The following SH3PXD2B variants were observed in gnomAD, a reference collection of about 807,000 sequenced individuals.
The protein encoded by SH3PXD2B is SH3 and PX domain-containing protein 2B.
SH3PXD2B carries 37 observed loss-of-function variants against 73.1 expected under a neutral mutation model. The ratio of observed to expected loss-of-function variants is 0.51; its 90% CI spans 0.39 to 0.67. The LOEUF (loss-of-function observed/expected upper bound fraction) is 0.67. Ranked by LOEUF, SH3PXD2B falls within the 30% of genes least tolerant of loss-of-function variation. The pLI is 0.00. For synonymous variants in SH3PXD2B, 457 were observed against 480.5 expected (o/e 0.95, Z 0.64); for missense variants, 1,053 against 1,197.8 (o/e 0.88, Z 1.78).
At position 172,336,104 on chromosome 5, in the gene SH3PXD2B, A is replaced by G; in HGVS notation, c.*2265T>C. 2.0e-6 allele frequency: 2 copies of G among 988,234 alleles called. No individual in the cohort carries two copies. The highest frequency in any genetic ancestry group is 1.1e-4 in the East Asian group (1 of 8,910). 61.2% of individuals were successfully genotyped at this position (988,234 alleles called of 1,614,324 possible). Reference sequence around the variant, plus strand: ...TCAAAGCTCTTCCAGCCAGGGATGGAGCCACACACATCCCAGTCTACTCAG... The same window carrying G: ...TCAAAGCTCTTCCAGCCAGGGATGGGGCCACACACATCCCAGTCTACTCAG... On this transcript the variant is annotated 3_prime_UTR_variant, in exon 13 of 13. Coordinates refer to ENST00000311601, the MANE Select transcript of SH3PXD2B (RefSeq NM_001017995.3).
At chr5:172,418,882 C>T (rs145169857) in intron 2 of SH3PXD2B, among the ~76,000 whole-genome samples, 179 of 152,220 alleles carry the variant, frequency 1.2e-3, no homozygotes, top group African/African-American at 4.0e-3. Flanking sequence ...AAAGTTGAGT[C>T]GGAACAGGAG....
intron 3 of SH3PXD2B, among the ~76,000 whole-genome samples, chr5:172,402,327 G>A (rs955316831): frequency 6.6e-6 from 1 of 152,126 alleles, no homozygotes; most frequent in African/African-American, 2.4e-5. Flanking sequence ...TGTTATCAAT[G>A]ACAATGCATG....
chr5:172,378,723 G>C (rs1447267601), intron 5 of SH3PXD2B, among the ~76,000 whole-genome samples: 2 of 152,168 alleles, frequency 1.3e-5, no homozygotes, highest in Non-Finnish European at 2.9e-5. Context: ...TCTTACATAA[G>C]AGGAGACTGA....
chr5:172,326,583 A>G lies in SH3PXD2B; in HGVS notation c.1189-1203T>C, dbSNP rs78492128. Among the ~76,000 whole-genome samples the G allele has an allele frequency of 4.4e-3, 663 of 152,324 alleles. 9 individuals are homozygous for G. Among genetic ancestry groups the G allele is most frequent in the African/African-American group, 0.015 (636 of 41,574 alleles). On this transcript the variant is annotated intron_variant, in intron 12 of 12. Transcript: ENST00000519643. ...TGTTCCATAAACATACTTTGGAAAG[A>G]TGTCCATTTTGAGAAAAATAATAAA... is the stretch of plus-strand genomic sequence containing the variant.
intron 1 of SH3PXD2B, among the ~76,000 whole-genome samples, chr5:172,431,690 G>GCACA (rs60568854): frequency 9.3e-4 from 141 of 151,770 alleles, no homozygotes; most frequent in African/African-American, 3.1e-3. Context: ...GACACCCATT[G>GCACA]CACACACACA....
intron 1 of SH3PXD2B, among the ~76,000 whole-genome samples, chr5:172,440,479 C>T (rs1759531518): frequency 1.3e-5 from 2 of 151,950 alleles, no homozygotes; most frequent in Non-Finnish European, 2.9e-5. Context: ...CAGGAGAGCT[C>T]AGGAAGAACA....
At chr5:172,358,300 C>T (rs893322491) in intron 8 of SH3PXD2B, among the ~76,000 whole-genome samples, 2 of 152,206 alleles carry the variant, frequency 1.3e-5, no homozygotes, top group Non-Finnish European at 2.9e-5. Flanking sequence ...AGGGAAGGTT[C>T]TCTGGGAAAC....
intron 1 of SH3PXD2B, among the ~76,000 whole-genome samples, chr5:172,444,481 T>C (rs921809304): frequency 6.6e-5 from 10 of 152,330 alleles, no homozygotes; most frequent in African/African-American, 1.2e-4. Flanking sequence ...TTCAAAGACA[T>C]AAAGCATGAA....
At chr5:172,384,483 A>G (rs770288989) in intron 4 of SH3PXD2B, among the ~76,000 whole-genome samples, 32 of 152,116 alleles carry the variant, frequency 2.1e-4, no homozygotes, top group Non-Finnish European at 7.3e-5. Context: ...TCATCTTGCA[A>G]AACTGAAACT....
intron 5 of SH3PXD2B, 96 bp downstream of exon 5, chr5:172,381,940 C>T (rs1757956177): frequency 1.0e-6 from 1 of 957,562 alleles, no homozygotes; most frequent in Admixed American, 2.1e-5. Flanking sequence ...CGACGAAACC[C>T]ACTTTTGGCT....
chr5:172,332,309 A>C (rs1319364829), downstream of SH3PXD2B, among the ~76,000 whole-genome samples: 1 of 147,610 alleles, frequency 6.8e-6, no homozygotes, highest in Non-Finnish European at 1.5e-5. Flanking sequence ...GCTGGAGCAT[A>C]GTGGTGCGAT....
exon 13 of SH3PXD2B, chr5:172,325,299 C>A (rs770108337): frequency 6.5e-7 from 1 of 1,535,138 alleles, no homozygotes; most frequent in African/African-American, 1.4e-5. Context: ...GAAGCTGCCA[C>A]GTGCTTCCCA....
chr5:172,370,819 G>C (rs753664885), intron 6 of SH3PXD2B, among the ~76,000 whole-genome samples: 2 of 152,218 alleles, frequency 1.3e-5, no homozygotes, highest in African/African-American at 4.8e-5. Context: ...GCTTCAGGAC[G>C]TTTAGTTGTT....
intron 1 of SH3PXD2B, among the ~76,000 whole-genome samples, chr5:172,425,875 C>T (rs1759083747): frequency 6.6e-6 from 1 of 152,090 alleles, no homozygotes; most frequent in South Asian, 2.1e-4. Context: ...AAGAATGCAG[C>T]TCATTGAAGG....
At chr5:172,426,088 A>G (rs1314382356) in intron 1 of SH3PXD2B, among the ~76,000 whole-genome samples, 2 of 152,198 alleles carry the variant, frequency 1.3e-5, no homozygotes, top group Non-Finnish European at 2.9e-5. Flanking sequence ...ATGGAAAAAA[A>G]AATTCTGCTT....
chr5:172,368,030 T>G (rs1378000748), intron 6 of SH3PXD2B, among the ~76,000 whole-genome samples: 1 of 152,210 alleles, frequency 6.6e-6, no homozygotes, highest in Non-Finnish European at 1.5e-5. Context: ...CAGTCAAACC[T>G]AATTCACTTA....
chr5:172,345,878 G>A (rs576883302), intron 12 of SH3PXD2B, among the ~76,000 whole-genome samples: 2 of 152,322 alleles, frequency 1.3e-5, no homozygotes, highest in South Asian at 4.1e-4. Flanking sequence ...GGGAAATGGA[G>A]GGTGGCTGTT....
intron 3 of SH3PXD2B, among the ~76,000 whole-genome samples, chr5:172,402,736 T>C (rs1459440532): frequency 6.6e-6 from 1 of 152,252 alleles, no homozygotes; most frequent in Non-Finnish European, 1.5e-5. Flanking sequence ...ATCTGTGAAA[T>C]GGGACAGCAG....
chr5:172,385,617 A>C (rs1865003), intron 4 of SH3PXD2B, among the ~76,000 whole-genome samples: 82,058 of 152,050 alleles, frequency 0.54, 23,888 homozygotes, highest in African/African-American at 0.75. Context: ...GGGTGTGGGG[A>C]ATGGCCCCTG....
Sources: allele counts gnomAD v4.1 joint callset (sites outside exome capture counted in the v4.1 genomes callset), GRCh38; gene constraint gnomAD v4.1.1; transcripts MANE v1.5; gene names NCBI Gene and HGNC (gene_info 2026-07-23, HGNC 2026-07-21).